KCNQ1: variants seen among roughly 807,000 people sequenced by gnomAD.
The protein encoded by KCNQ1 is potassium voltage-gated channel subfamily KQT member 1.
KCNQ1 carries 49 observed loss-of-function variants against 72.4 expected under a neutral mutation model. That is an observed-to-expected ratio of 0.68 (90% CI 0.54 to 0.86). The LOEUF (loss-of-function observed/expected upper bound fraction) is 0.86. Among genes scored for constraint, KCNQ1 ranks in the 40% least tolerant of loss-of-function variants. The pLI, the probability that KCNQ1 is intolerant of heterozygous loss-of-function variation, is 0.00. For missense variants in KCNQ1, 790 were observed against 945.1 expected, an observed-to-expected ratio of 0.84 and a Z score of 2.15; for synonymous variants, 450 against 412.6, an observed-to-expected ratio of 1.09 and a Z score of -1.10.
intron 2 of KCNQ1, among the ~76,000 whole-genome samples, chr11:2,535,475 C>T (rs903662055): frequency 2.0e-5 from 3 of 152,194 alleles, no homozygotes; most frequent in Admixed American, 6.5e-5. Context: ...GTGACTTGGC[C>T]GGCTCTCCGG....
chr11:2,459,425 A>G (rs1846242269), intron 1 of KCNQ1, among the ~76,000 whole-genome samples: 1 of 152,122 alleles, frequency 6.6e-6, no homozygotes, highest in Non-Finnish European at 1.5e-5. Context: ...CAGGGCTTGG[A>G]GGGAGCAGGT....
In KCNQ1 at chr11:2,450,333, A is replaced by G. The variant is rs1380689400; in HGVS notation, c.386+4849A>G. On this transcript the variant is annotated intron_variant, in intron 1 of 15. Transcript: ENST00000155840. The surrounding 1 kb of genome is among the most constrained non-coding windows in gnomAD (Gnocchi z 7.9). ...CAAGACGAGTTGCTGGTGTGTGGCCAGTGCTGGGAGAGCATGGTGTCGGCC... is the reference window on the plus strand; with the variant it reads ...CAAGACGAGTTGCTGGTGTGTGGCCGGTGCTGGGAGAGCATGGTGTCGGCC... 6.6e-6 allele frequency among the ~76,000 whole-genome samples: 1 copy of G among 152,224 alleles called. No homozygotes were observed. The highest frequency in any genetic ancestry group is 1.5e-5 in the Non-Finnish European group (1 of 68,034).
intron 15 of KCNQ1, among the ~76,000 whole-genome samples, chr11:2,845,382 T>G (rs958945734): frequency 5.9e-5 from 9 of 152,192 alleles, no homozygotes; most frequent in African/African-American, 2.2e-4. Flanking sequence ...GGCCTCAGTG[T>G]CTGCATCTGT....
chr11:2,534,946 G>A lies in KCNQ1; in HGVS notation c.477+6928G>A, dbSNP rs529979568. On this transcript the variant is annotated intron_variant, in intron 2 of 15. Coordinates refer to ENST00000155840, the MANE Select transcript of KCNQ1 (RefSeq NM_000218.3). The stretch of plus-strand genomic sequence containing the variant: ...ATCCTCACTGCAGGGCCCTGTGTAT[G>A]TGCGGGCTGGAGCCCTGGTTCCTGT... 2.0e-5 allele frequency among the ~76,000 whole-genome samples: 3 copies of A among 152,358 alleles called. No individual in the cohort carries two copies. The South Asian group carries it at 6.2e-4, about 32-fold the overall frequency.
At chr11:2,524,174 G>T (rs767492942) in intron 1 of KCNQ1, among the ~76,000 whole-genome samples, 1 of 152,158 alleles carries the variant, frequency 6.6e-6, no homozygotes, top group Non-Finnish European at 1.5e-5. Context: ...AGAGACGGGA[G>T]GATGGAAGCC....
At chr11:2,788,400 G>A (rs546842759) in intron 15 of KCNQ1, among the ~76,000 whole-genome samples, 5 of 152,312 alleles carry the variant, frequency 3.3e-5, no homozygotes, top group African/African-American at 1.2e-4. Context: ...GTGTGTCGGT[G>A]CAGGCAGGAC....
rs958629245 is a variant in KCNQ1 at position 2,450,300 on chromosome 11, C to T, written c.386+4816C>T. On this transcript the variant is annotated intron_variant, in intron 1 of 15. Transcript: ENST00000155840. The surrounding 1 kb of genome is among the most constrained non-coding windows in gnomAD (Gnocchi z 7.9). ...AGGCCCAGGAAGAGCTGAGAGACAGCAGATGCCCAAGACGAGTTGCTGGTG... is the reference window on the plus strand; with the variant it reads ...AGGCCCAGGAAGAGCTGAGAGACAGTAGATGCCCAAGACGAGTTGCTGGTG... 2.3e-4 allele frequency among the ~76,000 whole-genome samples: 35 copies of T among 152,226 alleles called. No individual in the cohort carries two copies. Among genetic ancestry groups the T allele is most frequent in the Non-Finnish European group, 4.3e-4 (29 of 68,040 alleles).
chr11:2,701,310 G>A (rs1250999012), intron 11 of KCNQ1, among the ~76,000 whole-genome samples: 2 of 152,180 alleles, frequency 1.3e-5, no homozygotes, highest in Non-Finnish European at 2.9e-5. Flanking sequence ...CAGCAACGAC[G>A]CCCAGATGAG....
At chr11:2,763,520 TTATTGATGC>T (rs1272458899) in intron 11 of KCNQ1, among the ~76,000 whole-genome samples, 1 of 152,200 alleles carries the variant, frequency 6.6e-6, no homozygotes, top group Non-Finnish European at 1.5e-5. Context: ...AAGTTTATGG[TTATTGATGC>T]TATTGTAATT....
rs1850342603 is a variant in KCNQ1 at position 2,679,034 on chromosome 11, AG to A, written c.1514+16954del. The A allele has an allele frequency of 5.0e-6, 2 of 398,574 alleles. No individual in the cohort carries two copies. The allele number at this position is 398,574 out of a possible 1,614,324, so 24.7% of individuals were successfully genotyped here. On this transcript the variant is annotated intron_variant, in intron 11 of 15. Transcript: ENST00000155840. The surrounding 1 kb of genome is among the most constrained non-coding windows in gnomAD (Gnocchi z 4.8). ...AAACATAATCTAAAACTTGTAGCCC[AG>A]CCCCTCCTCCATACCAACCACCAAA...
rs369555435 is a variant in KCNQ1 at position 2,458,486 on chromosome 11, C to T, written c.386+13002C>T. Among the ~76,000 whole-genome samples the T allele has an allele frequency of 9.9e-5, 15 of 152,224 alleles. No individual in the cohort carries two copies. In the East Asian group the frequency reaches 1.3e-3, roughly 14 times the overall value. ...TTGGGACTCCCGCAGATGCCTGAGG[C>T]GGCAGTGCTGCTGAAGTCCTGCCAG... On this transcript the variant is annotated intron_variant, in intron 1 of 15. Coordinates refer to ENST00000155840, the MANE Select transcript of KCNQ1 (RefSeq NM_000218.3). The surrounding 1 kb of genome is among the most constrained non-coding windows in gnomAD (Gnocchi z 4.6).
chr11:2,810,856 C>T (rs1320836317), intron 15 of KCNQ1, among the ~76,000 whole-genome samples: 3 of 152,142 alleles, frequency 2.0e-5, no homozygotes, highest in Non-Finnish European at 2.9e-5. Flanking sequence ...AGCTTGGGCT[C>T]GAGGTACAGG....
intron 6 of KCNQ1, among the ~76,000 whole-genome samples, chr11:2,581,821 C>G (rs1191223188): frequency 6.6e-6 from 1 of 152,194 alleles, no homozygotes; most frequent in Non-Finnish European, 1.5e-5. Flanking sequence ...GCCGGGTGGT[C>G]CACTGAAAGG....
intron 10 of KCNQ1, chr11:2,646,631 T>A (rs929344284): frequency 5.0e-6 from 2 of 398,668 alleles, no homozygotes; most frequent in Non-Finnish European, 4.4e-6. Flanking sequence ...GTTCAAGTGA[T>A]CCTCCCATCT....
Position 2,478,228 on chromosome 11 carries a change from G to A in KCNQ1, c.386+32744G>A, listed in dbSNP as rs1422730929. Among the ~76,000 whole-genome samples, 1 of 152,114 alleles carries A rather than the reference G, an allele frequency of 6.6e-6. No individual in the cohort carries two copies. Among genetic ancestry groups the A allele is most frequent in the East Asian group, 1.9e-4 (1 of 5,196 alleles). ...GGCCTGAATACTTTGAAAATGCCAG[G>A]GCCAAAAAACGTAGAAGGCTAAATA... On this transcript the variant is annotated intron_variant, in intron 1 of 15. Transcript: ENST00000155840. The surrounding 1 kb of genome is among the most constrained non-coding windows in gnomAD (Gnocchi z 4.0).
rs759364552 is a variant in KCNQ1, at chr11:2,617,286, TTTTTTC to T, written c.1393+28438_1393+28443del. The T allele has an allele frequency of 1.5e-4, 58 of 398,336 alleles. No homozygotes were observed. The highest frequency in any genetic ancestry group is 2.3e-4 in the Non-Finnish European group (53 of 225,954). The allele number at this position is 398,336 out of a possible 1,614,324, so 24.7% of individuals were successfully genotyped here. ...TTTATTCTATCTCTGTATATTTGAC[TTTTTTC>T]TTTTTAAGATTCTACATATAGGTGA... On this transcript the variant is annotated intron_variant, in intron 10 of 15. Transcript: ENST00000155840. The surrounding 1 kb of genome is among the most constrained non-coding windows in gnomAD (Gnocchi z 4.6).
intron 10 of KCNQ1, chr11:2,641,492 G>C (rs1849576433): frequency 2.5e-6 from 1 of 397,704 alleles, no homozygotes; most frequent in Non-Finnish European, 4.4e-6. Flanking sequence ...TTAATTTGTT[G>C]TTTACTATTG....
At position 2,654,500 on chromosome 11, in the gene KCNQ1, C is replaced by T. The variant is rs1849807056; in HGVS notation, c.1394-7461C>T. On this transcript the variant is annotated intron_variant, in intron 10 of 15. Coordinates refer to ENST00000155840, the MANE Select transcript of KCNQ1 (RefSeq NM_000218.3). The surrounding 1 kb of genome is among the most constrained non-coding windows in gnomAD (Gnocchi z 6.4). ...GCAGCCGTACAGGGGAGGGGGCAAT[C>T]TCCGGAGCCCTGGAAAGCTTGTGGA... 2 of 398,638 alleles carry T rather than the reference C, an allele frequency of 5.0e-6. No homozygotes were observed. The highest frequency in any genetic ancestry group is 8.8e-6 in the Non-Finnish European group (2 of 226,232). 24.7% of individuals were successfully genotyped at this position (398,638 alleles called of 1,614,324 possible). A position where few individuals can be genotyped will look rare whatever the true frequency, so the allele number is the denominator to read the frequency against.
rs1847750612 is a variant in KCNQ1 at position 2,537,394 on chromosome 11, G to A, written c.477+9376G>A. Among the ~76,000 whole-genome samples the A allele has an allele frequency of 6.6e-6, 1 of 152,110 alleles. No individual in the cohort carries two copies. The highest frequency in any genetic ancestry group is 1.5e-5 in the Non-Finnish European group (1 of 68,038). On this transcript the variant is annotated intron_variant, in intron 2 of 15. Coordinates refer to ENST00000155840, the MANE Select transcript of KCNQ1 (RefSeq NM_000218.3). The surrounding 1 kb of genome is among the most constrained non-coding windows in gnomAD (Gnocchi z 5.2). ...AATTTTGGAAAGAGCAGTTGCTAGG[G>A]GCATTTAAACTTGCAGTCGAATTAG...
Sources: allele counts gnomAD v4.1 joint callset (sites outside exome capture counted in the v4.1 genomes callset), GRCh38; gene constraint gnomAD v4.1.1; non-coding constraint Gnocchi (gnomAD v3.1); transcripts MANE v1.5; gene names NCBI Gene and HGNC (gene_info 2026-07-23, HGNC 2026-07-21).